Variants in AMDHD1 observed in about 807,000 individuals in gnomAD.
The protein encoded by AMDHD1 is amidohydrolase domain containing 1.
AMDHD1 carries 45 observed loss-of-function variants against 44.1 expected under a neutral mutation model. The observed-to-expected ratio is 1.02, with a 90% CI of 0.80 to 1.31. The LOEUF (loss-of-function observed/expected upper bound fraction) is 1.31. Ranked by LOEUF, AMDHD1 falls within the 50% of genes most tolerant of loss-of-function variation. The probability of loss-of-function intolerance (pLI) is 0.00; values close to 1 mark genes in which losing one functional copy is unlikely to be tolerated. For synonymous variants in AMDHD1, 206 were observed against 205.0 expected (o/e 1.00, Z -0.04); for missense variants, 586 against 552.1 (o/e 1.06, Z -0.61).
At chr12:95,959,571 ACTC>A (rs1200474754) in intron 4 of AMDHD1, among the ~76,000 whole-genome samples, 2 of 151,212 alleles carry the variant, frequency 1.3e-5, no homozygotes, top group Non-Finnish European at 2.9e-5. Flanking sequence ...ACCATGCCCA[ACTC>A]CACCAGAATT....
At chr12:95,954,573 T>TAATAAAATAAAATA (rs2080540818) in intron 2 of AMDHD1, among the ~76,000 whole-genome samples, 1 of 147,096 alleles carries the variant, frequency 6.8e-6, no homozygotes, top group Non-Finnish European at 1.5e-5. Flanking sequence ...TTCTCAAAAA[T>TAATAAAATAAAATA]AAATAAAATA....
At position 95,943,497 on chromosome 12, in the gene AMDHD1, C is replaced by G; in HGVS notation, c.99C>G (p.Ser33Arg). The G allele has an allele frequency of 1.3e-6, 2 of 1,497,764 alleles. No individual in the cohort carries two copies. Among genetic ancestry groups the G allele is most frequent in the Non-Finnish European group, 1.8e-6 (2 of 1,127,354 alleles). The allele number at this position is 1,497,764 out of a possible 1,614,324, so 92.8% of individuals were successfully genotyped here. A position where few individuals can be genotyped will look rare whatever the true frequency, so the allele number is the denominator to read the frequency against. The change falls in exon 1 of 9, where the codon AGC becomes AGG. Residue 33 changes from serine (S) to arginine (R), a missense_variant. Transcript: ENST00000266736. ...TCCTGGCGCGGGATGCGCTGCGCAG[C>G]CTGGCGGTGCTGGAAGGCGCCAGCC... ...ERFLARDALR[S>R]LAVLEGASLV...
chr12:95,958,191 T>C (rs1391875427), intron 4 of AMDHD1, among the ~76,000 whole-genome samples: 1 of 152,134 alleles, frequency 6.6e-6, no homozygotes, highest in Non-Finnish European at 1.5e-5. Flanking sequence ...CTTATCACTT[T>C]TTGTGGTGAG....
At chr12:95,948,224 C>A (rs2080508913) in intron 1 of AMDHD1, among the ~76,000 whole-genome samples, 1 of 133,654 alleles carries the variant, frequency 7.5e-6, no homozygotes, top group Non-Finnish European at 1.6e-5. Context: ...GGGGGGTCAG[C>A]CCCCCGCCCG....
rs146251081 is a variant in AMDHD1 at position 95,966,354 on chromosome 12, G to T, written c.1039G>T (p.Val347Phe). The change falls in exon 8 of 9, where the codon GTC becomes TTC. Residue 347 changes from valine (V) to phenylalanine (F), a missense_variant. Coordinates refer to ENST00000266736, the MANE Select transcript of AMDHD1 (RefSeq NM_152435.3). ...TTTTCTCTTCCTGCCTTAGCCAATG[G>T]TCATGCATCTGGCCTGTGTAAACAT... ...PNAYCFSMPM[V>F]MHLACVNMRM... is the part of the protein sequence containing the mutation. 1 of 1,613,958 alleles carries T rather than the reference G, an allele frequency of 6.2e-7. No individual in the cohort carries two copies. Among genetic ancestry groups the T allele is most frequent in the African/African-American group, 1.3e-5 (1 of 74,898 alleles).
At chr12:95,959,818 C>A (rs1450198497) in intron 4 of AMDHD1, among the ~76,000 whole-genome samples, 20 of 66,944 alleles carry the variant, frequency 3.0e-4, no homozygotes, top group African/African-American at 1.1e-3. Flanking sequence ...TTTTTTGAGG[C>A]GGAGTCTTGC....
rs115132428 is a variant in AMDHD1, at chr12:95,967,950, A to T, written c.*107A>T. Reference sequence around the variant, plus strand: ...ACAAGAATTATATCACTTAAACCTAAATGTACTTCAATGTCTTTTTAAGTC... The same window carrying T: ...ACAAGAATTATATCACTTAAACCTATATGTACTTCAATGTCTTTTTAAGTC... On this transcript the variant is annotated 3_prime_UTR_variant, in exon 9 of 9. Transcript: ENST00000266736. 210 of 740,586 alleles carry T rather than the reference A, an allele frequency of 2.8e-4. 2 individuals carry two copies. The highest frequency in any genetic ancestry group is 2.5e-3 in the African/African-American group (135 of 53,984). The allele number at this position is 740,586 out of a possible 1,614,324, so 45.9% of individuals were successfully genotyped here. A position where few individuals can be genotyped will look rare whatever the true frequency, so the allele number is the denominator to read the frequency against.
intron 2 of AMDHD1, among the ~76,000 whole-genome samples, chr12:95,953,873 G>A (rs532903858): frequency 3.9e-5 from 6 of 152,250 alleles, no homozygotes; most frequent in African/African-American, 1.4e-4. Context: ...GAGCCACCAC[G>A]CCCGGCCTTC....
intron 5 of AMDHD1, 29 bp from the exon 6 acceptor site, chr12:95,962,326 A>T: frequency 6.3e-7 from 1 of 1,594,758 alleles, no homozygotes; most frequent in Non-Finnish European, 8.5e-7. Flanking sequence ...TATTTGTTAA[A>T]TCTTTCCCTC....
intron 3 of AMDHD1, 168 bp from the exon 4 acceptor site, chr12:95,956,517 T>G: frequency 1.1e-6 from 1 of 873,586 alleles, no homozygotes; most frequent in African/African-American, 1.7e-5. Context: ...TCTGGCAGAC[T>G]AGGGGCTTCC....
chr12:95,963,931 AG>A (rs1214394120), intron 6 of AMDHD1, among the ~76,000 whole-genome samples: 7 of 151,476 alleles, frequency 4.6e-5, no homozygotes, highest in African/African-American at 1.7e-4. Flanking sequence ...CGGGAGGCTG[AG>A]GCAGGAGAAT....
chr12:95,962,625 C>T, intron 6 of AMDHD1, 146 bp downstream of exon 6: 1 of 990,378 alleles, frequency 1.0e-6, no homozygotes, highest in Non-Finnish European at 1.3e-6. Flanking sequence ...AAGATGCCAA[C>T]CCTGGACTGA....
chr12:95,966,474 A>G lies in AMDHD1; in HGVS notation c.1159A>G (p.Lys387Glu), dbSNP rs761263883. 3 of 1,614,142 alleles carry G rather than the reference A, an allele frequency of 1.9e-6. No individual in the cohort carries two copies. Among genetic ancestry groups the G allele is most frequent in the Non-Finnish European group, 2.5e-6 (3 of 1,180,054 alleles). The part of the protein sequence containing the change: ...SHTHGSLEVG[K>E]QGDLIIINSS... ...CACACACGGATCGTTGGAAGTTGGC[A>G]AACAGGGAGATCTCATTATCATCAA... The change falls in exon 8 of 9, where the codon AAA becomes GAA. Residue 387 changes from lysine to glutamate, a missense_variant. Lys to Glu is a moderately conservative substitution (Grantham distance 56). Coordinates refer to ENST00000266736, the MANE Select transcript of AMDHD1 (RefSeq NM_152435.3).
Position 95,943,447 on chromosome 12 carries a change from C to T in AMDHD1, c.49C>T (p.Leu17=), listed in dbSNP as rs1436121. ...GCTGGAGAACGCGCAGCAAGTGGTG[C>T]TGGTGTGCGCCCGCGGCGAGCGCTT... ...LLLENAQQVV[L]VCARGERFLA... is the part of the protein sequence containing the mutation. Residue 17 remains leucine (L), a synonymous_variant, in exon 1 of 9, where the codon CTG becomes TTG. Coordinates refer to ENST00000266736, the MANE Select transcript of AMDHD1 (RefSeq NM_152435.3). 0.25 allele frequency: 376,903 copies of T among 1,506,496 alleles called. 49,943 individuals carry two copies. Among genetic ancestry groups the T allele is most frequent in the East Asian group, 0.44 (16,312 of 36,800 alleles). The allele number at this position is 1,506,496 out of a possible 1,614,324, so 93.3% of individuals were successfully genotyped here. A position where few individuals can be genotyped will look rare whatever the true frequency, so the allele number is the denominator to read the frequency against.
intron 1 of AMDHD1, among the ~76,000 whole-genome samples, chr12:95,947,751 CGGGA>C (rs2080504018): frequency 3.8e-5 from 3 of 79,962 alleles, no homozygotes; most frequent in African/African-American, 5.1e-5. Context: ...CCGCCCCGTC[CGGGA>C]GGGAGGTGGG....
intron 1 of AMDHD1, among the ~76,000 whole-genome samples, chr12:95,945,493 A>G (rs2080491284): frequency 6.6e-6 from 1 of 152,238 alleles, no homozygotes; most frequent in Non-Finnish European, 1.5e-5. Flanking sequence ...TTATCTGGTT[A>G]TTTGAGATGC....
chr12:95,968,051 G>T lies in AMDHD1; in HGVS notation c.*208G>T. On this transcript the variant is annotated 3_prime_UTR_variant, in exon 9 of 9. Transcript: ENST00000266736. ...ACATATAAACAGGTAAACCTATTGT[G>T]ATTAAAATCACAAAACATCCAATTA... 2.9e-6 allele frequency: 1 copy of T among 343,268 alleles called. No homozygotes were observed. The allele number at this position is 343,268 out of a possible 1,614,324, so 21.3% of individuals were successfully genotyped here. A position where few individuals can be genotyped will look rare whatever the true frequency, so the allele number is the denominator to read the frequency against.
intron 8 of AMDHD1, 102 bp downstream of exon 8, chr12:95,966,610 GGACTCA>G (rs2080612530): frequency 4.0e-5 from 56 of 1,405,158 alleles, no homozygotes; most frequent in Non-Finnish European, 5.3e-5. Context: ...GACTCTGTCT[GGACTCA>G]GACACTATCC....
At chr12:95,956,433 C>T (rs1047082614) in intron 3 of AMDHD1, among the ~76,000 whole-genome samples, 1 of 152,058 alleles carries the variant, frequency 6.6e-6, no homozygotes, top group African/African-American at 2.4e-5. Flanking sequence ...CCCAACAGGC[C>T]ACCCACCACA....
Sources: gnomAD v4.1 joint callset for allele counts (sites outside exome capture counted in the v4.1 genomes callset) on GRCh38, gnomAD v4.1.1 for gene constraint, MANE v1.5 for transcripts, NCBI Gene and HGNC (gene_info 2026-07-23, HGNC 2026-07-21) for gene names.